Variants in LARGE1 observed in about 807,000 individuals in gnomAD.
LARGE1 encodes the protein LARGE xylosyl- and glucuronyltransferase 1, also known as xylosyl- and glucuronyltransferase LARGE1.
In LARGE1, 43 loss-of-function variants were observed where a neutral mutation model predicts 87.6. The observed-to-expected ratio is 0.49, with a 90% confidence interval of 0.38 to 0.63. The LOEUF is 0.63. Ranked by LOEUF, LARGE1 falls within the 30% of genes least tolerant of loss-of-function variation. LARGE1 has a pLI of 0.00. For synonymous variants in LARGE1, 434 were observed against 394.6 expected (o/e 1.10, Z -1.18); for missense variants, 802 against 1,000.2 (o/e 0.80, Z 2.67).
chr22:33,821,952 GTTTT>G (rs11425081), intron 1 of LARGE1, among the ~76,000 whole-genome samples: 3 of 137,724 alleles, frequency 2.2e-5, no homozygotes, highest in Non-Finnish European at 3.1e-5. Flanking sequence ...ACTTTTTTAG[GTTTT>G]TTTTTTTTTT....
At position 33,591,858 on chromosome 22, in the gene LARGE1, A is replaced by ATT. The variant is rs61494645; in HGVS notation, c.615+12575_615+12576dup. Among the ~76,000 whole-genome samples the ATT allele has an allele frequency of 2.5e-4, 32 of 129,888 alleles. No individual in the cohort carries two copies. The East Asian group carries it at 3.0e-3, about 12-fold the overall frequency. The allele number at this position is 129,888 out of a possible 152,430, so 85.2% of individuals were successfully genotyped here. On this transcript the variant is annotated intron_variant, in intron 5 of 14. Transcript: ENST00000397394. ...CCGTCTCTCCAAAAAAAAAAAAAAA[A>ATT]TTTTTTTTTTTTTTTAAATTAGCCA...
chr22:33,118,504 G>GAA, the LARGE1 span, among the ~76,000 whole-genome samples: 822 of 80,440 alleles, frequency 0.01, 7 homozygotes, highest in Middle Eastern at 0.056. Flanking sequence ...AAAGAAAAAA[G>GAA]AAAAAAAAAA....
At chr22:33,862,151 G>A (rs1055900429) in intron 1 of LARGE1, among the ~76,000 whole-genome samples, 4 of 152,018 alleles carry the variant, frequency 2.6e-5, no homozygotes, top group African/African-American at 2.4e-5. Flanking sequence ...ATGAGCCACC[G>A]TGCCCGGCAG....
rs112150045 is a variant in LARGE1, at chr22:33,668,836, T to G, written c.107-18168A>C. Among the ~76,000 whole-genome samples the G allele has an allele frequency of 7.4e-3, 1,134 of 152,348 alleles. 15 individuals carry two copies. The highest frequency in any genetic ancestry group is 0.025 in the African/African-American group (1,027 of 41,582). ...TGCTTTTAGTATACATTTAGCTGCT[T>G]CTTCTCACCTTTCTAACTTTGGAAG... On this transcript the variant is annotated intron_variant, in intron 2 of 14. Transcript: ENST00000397394.
At chr22:33,659,082 C>T (rs1052424729) in intron 2 of LARGE1, among the ~76,000 whole-genome samples, 1 of 152,180 alleles carries the variant, frequency 6.6e-6, no homozygotes, top group Non-Finnish European at 1.5e-5. Flanking sequence ...GCCCTGCTTC[C>T]TGGAAGACAG....
At chr22:33,910,650 G>A (rs1465052537) in intron 1 of LARGE1, among the ~76,000 whole-genome samples, 1 of 152,116 alleles carries the variant, frequency 6.6e-6, no homozygotes, top group Non-Finnish European at 1.5e-5. Flanking sequence ...CACACAGTAG[G>A]AGCTTGATCA....
intron 9 of LARGE1, among the ~76,000 whole-genome samples, chr22:33,341,071 T>G (rs1200261648): frequency 1.3e-5 from 2 of 152,074 alleles, no homozygotes; most frequent in African/African-American, 4.8e-5. Context: ...CCCCACAAAA[T>G]TCACATGTGG....
intron 6 of LARGE1, among the ~76,000 whole-genome samples, chr22:33,496,567 G>C (rs552464937): frequency 1.3e-5 from 2 of 152,158 alleles, no homozygotes; most frequent in Admixed American, 1.3e-4. Flanking sequence ...CCAGCCTCCA[G>C]AACTGTGAGA....
chr22:33,813,302 C>T (rs569299001), intron 1 of LARGE1, among the ~76,000 whole-genome samples: 2 of 152,092 alleles, frequency 1.3e-5, no homozygotes, highest in East Asian at 3.9e-4. Flanking sequence ...AACAAGCTTC[C>T]CCAGGCAAGA....
At chr22:33,754,585 C>A (rs2084440973) in intron 2 of LARGE1, among the ~76,000 whole-genome samples, 1 of 152,218 alleles carries the variant, frequency 6.6e-6, no homozygotes, top group Non-Finnish European at 1.5e-5. Flanking sequence ...ATCTGCCCGC[C>A]TCAGCCTCCC....
At chr22:33,329,373 AC>A (rs1250525649) in intron 10 of LARGE1, among the ~76,000 whole-genome samples, 1 of 152,054 alleles carries the variant, frequency 6.6e-6, no homozygotes, top group African/African-American at 2.4e-5. Context: ...TTTTAACATA[AC>A]AACAGATCAT....
intron 1 of LARGE1, among the ~76,000 whole-genome samples, chr22:33,865,701 T>G (rs919373361): frequency 1.1e-4 from 17 of 152,098 alleles, no homozygotes; most frequent in African/African-American, 3.9e-4. Flanking sequence ...TATCTTGCCA[T>G]AAAATCTTGA....
rs1603220071 is a variant in LARGE1 at position 33,710,374 on chromosome 22, A to G, written c.106+50997T>C. On this transcript the variant is annotated intron_variant, in intron 2 of 14. Transcript: ENST00000397394. Reference sequence around the variant, plus strand: ...TGAAAACTGGAAGAATTGGCCCCAGAAAATGGCTAGGTCATGGTCTAATGC... The same window carrying G: ...TGAAAACTGGAAGAATTGGCCCCAGGAAATGGCTAGGTCATGGTCTAATGC... Among the ~76,000 whole-genome samples, 3 of 152,360 alleles carry G rather than the reference A, an allele frequency of 2.0e-5. No homozygotes were observed. In the East Asian group the frequency reaches 5.8e-4, roughly 29 times the overall value.
At chr22:33,440,285 G>A (rs1260069701) in intron 6 of LARGE1, among the ~76,000 whole-genome samples, 2 of 152,196 alleles carry the variant, frequency 1.3e-5, no homozygotes, top group Admixed American at 6.5e-5. Flanking sequence ...TCTGAATGGA[G>A]TGGAAGTAGA....
chr22:33,427,064 C>T (rs911878608), intron 7 of LARGE1, among the ~76,000 whole-genome samples: 1 of 152,132 alleles, frequency 6.6e-6, no homozygotes. Context: ...GATATTCATC[C>T]GTCAGCTTAG....
chr22:33,699,618 G>A (rs1401290505), intron 2 of LARGE1, among the ~76,000 whole-genome samples: 6 of 152,188 alleles, frequency 3.9e-5, no homozygotes. Context: ...AAGCAAAGAA[G>A]CTTTTGCAAT....
At chr22:33,167,153 G>T (rs577470115) in intron 11 of LARGE1, among the ~76,000 whole-genome samples, 1 of 152,138 alleles carries the variant, frequency 6.6e-6, no homozygotes, top group East Asian at 1.9e-4. Context: ...TTCCAGGAGA[G>T]GATGTCAGAA....
chr22:33,263,801 G>A (rs5994706), intron 11 of LARGE1, among the ~76,000 whole-genome samples: 30,541 of 152,200 alleles, frequency 0.2, 5,972 homozygotes, highest in African/African-American at 0.51. Flanking sequence ...TGAAATGCAC[G>A]ATGAAGGACC....
chr22:33,758,046 A>C (rs915239571), intron 2 of LARGE1, among the ~76,000 whole-genome samples: 1 of 152,138 alleles, frequency 6.6e-6, no homozygotes, highest in African/African-American at 2.4e-5. Flanking sequence ...CTTTCATGCC[A>C]GGTATTTCAC....
Sources: gnomAD v4.1 joint callset for allele counts (sites outside exome capture counted in the v4.1 genomes callset) on GRCh38, gnomAD v4.1.1 for gene constraint, MANE v1.5 for transcripts, NCBI Gene and HGNC (gene_info 2026-07-23, HGNC 2026-07-21) for gene names.